The following COL9A1 variants were observed in gnomAD, a reference collection of about 807,000 sequenced individuals.
The protein encoded by COL9A1 is collagen alpha-1(IX) chain.
A neutral mutation model predicts 142.6 loss-of-function variants in COL9A1; 104 were observed. That is an observed-to-expected ratio of 0.73 (90% confidence interval 0.62 to 0.86). COL9A1 has a LOEUF of 0.86. Among genes scored for constraint, COL9A1 ranks in the 40% least tolerant of loss-of-function variants. The pLI, the probability that COL9A1 is intolerant of heterozygous loss-of-function variation, is 0.00. For missense variants in COL9A1, 1,210 were observed against 1,176.6 expected (o/e 1.03, Z -0.42); for synonymous variants, 466 against 396.0 (o/e 1.18, Z -2.10).
chr6:70,269,401 T>C (rs1397457273), intron 16 of COL9A1, among the ~76,000 whole-genome samples: 1 of 152,172 alleles, frequency 6.6e-6, no homozygotes, highest in African/African-American at 2.4e-5. Flanking sequence ...CATGTCTTAG[T>C]CATAAAGTAA....
chr6:70,230,457 T>A (rs111845832), intron 36 of COL9A1, among the ~76,000 whole-genome samples: 3 of 152,106 alleles, frequency 2.0e-5, no homozygotes, highest in Non-Finnish European at 2.9e-5. Context: ...GGGAAAAGAA[T>A]TGTATCACTT....
At chr6:70,237,349 T>C (rs1445819364) in intron 33 of COL9A1, among the ~76,000 whole-genome samples, 1 of 152,224 alleles carries the variant, frequency 6.6e-6, no homozygotes, top group East Asian at 1.9e-4. Flanking sequence ...AGTGGTATAC[T>C]GAAACAGAAA....
intron 28 of COL9A1, among the ~76,000 whole-genome samples, chr6:70,245,073 T>C (rs565885196): frequency 7.9e-5 from 12 of 152,298 alleles, no homozygotes; most frequent in Non-Finnish European, 1.3e-4. Flanking sequence ...TCCTTGGCCA[T>C]TCTAAATGCA....
At chr6:70,237,289 C>T (rs759504293) in intron 33 of COL9A1, among the ~76,000 whole-genome samples, 1 of 152,194 alleles carries the variant, frequency 6.6e-6, no homozygotes, top group Non-Finnish European at 1.5e-5. Context: ...AGATTAAGGG[C>T]CAATATGGCC....
At chr6:70,279,842 C>A in intron 10 of COL9A1, 2 of 474,274 alleles carry the variant, frequency 4.2e-6, no homozygotes, top group Admixed American at 3.3e-5. Context: ...TCTTGGAAAT[C>A]ATAATTATAG....
intron 5 of COL9A1, among the ~76,000 whole-genome samples, chr6:70,293,362 G>T (rs1238391420): frequency 1.3e-5 from 2 of 152,108 alleles, no homozygotes; most frequent in Non-Finnish European, 2.9e-5. Context: ...AATTCAAAAT[G>T]ATAGAACTAT....
intron 28 of COL9A1, 90 bp downstream of exon 28, chr6:70,252,030 G>A (rs1411047792): frequency 1.5e-6 from 2 of 1,299,590 alleles, no homozygotes; most frequent in Non-Finnish European, 2.2e-6. Flanking sequence ...ACATCAGACA[G>A]CATTCATGGA....
At chr6:70,256,007 C>T (rs745628622) in intron 21 of COL9A1, among the ~76,000 whole-genome samples, 11 of 152,126 alleles carry the variant, frequency 7.2e-5, no homozygotes, top group Non-Finnish European at 1.5e-4. Context: ...CTTATCCTTC[C>T]AATCTCATCT....
intron 10 of COL9A1, chr6:70,279,920 G>GAAGAGTAAC: frequency 1.8e-6 from 1 of 568,508 alleles, no homozygotes; most frequent in Non-Finnish European, 3.3e-6. Flanking sequence ...GTGGTAACTT[G>GAAGAGTAAC]AAGAGTAACT....
intron 33 of COL9A1, among the ~76,000 whole-genome samples, chr6:70,238,420 A>G (rs1770042964): frequency 6.6e-6 from 1 of 152,250 alleles, no homozygotes; most frequent in Non-Finnish European, 1.5e-5. Context: ...TAAGGACACC[A>G]GTTTAGTTTC....
chr6:70,285,969 G>T (rs1471845190), intron 5 of COL9A1, among the ~76,000 whole-genome samples: 1 of 151,958 alleles, frequency 6.6e-6, no homozygotes, highest in Non-Finnish European at 1.5e-5. Context: ...GCTCACTGCA[G>T]CCTCCACCTC....
rs1001980199 is a variant in COL9A1 at position 70,283,762 on chromosome 6, C to T, written c.755G>A (p.Cys252Tyr). The change falls in exon 6 of 38, where the codon TGC becomes TAC. Residue 252 changes from cysteine to tyrosine, a missense_variant. Coordinates refer to ENST00000357250, the MANE Select transcript of COL9A1 (RefSeq NM_001851.6). The part of the protein sequence containing the change: ...CDPLRPRRET[C>Y]HELPARITPS... The stretch of plus-strand genomic sequence containing the variant: ...CGTTATTCTGGCTGGCAGCTCATGG[C>T]AAGTTTCTCTCCTGGGCCGCAGGGG... 1.2e-6 allele frequency: 2 copies of T among 1,611,812 alleles called. No homozygotes were observed. Among genetic ancestry groups the T allele is most frequent in the East Asian group, 4.5e-5 (2 of 44,862 alleles).
At chr6:70,252,045 T>G in intron 28 of COL9A1, 75 bp downstream of exon 28, 1 of 1,450,408 alleles carries the variant, frequency 6.9e-7, no homozygotes. Context: ...CATGGATAGA[T>G]GGATGAATGA....
intron 7 of COL9A1, among the ~76,000 whole-genome samples, chr6:70,282,371 G>A (rs1197974290): frequency 1.3e-5 from 2 of 152,232 alleles, no homozygotes; most frequent in African/African-American, 4.8e-5. Context: ...CGCAGGAGGC[G>A]GGAGGCGCTG....
intron 10 of COL9A1, among the ~76,000 whole-genome samples, chr6:70,278,029 T>G (rs2127594939): frequency 6.6e-6 from 1 of 152,338 alleles, no homozygotes; most frequent in Middle Eastern, 3.4e-3. Flanking sequence ...ATAAAAGATT[T>G]TTTTAATGTC....
chr6:70,235,714 C>A (rs551323449), intron 33 of COL9A1, among the ~76,000 whole-genome samples: 1 of 129,442 alleles, frequency 7.7e-6, no homozygotes, highest in African/African-American at 2.5e-5. Context: ...AGTTATTTAG[C>A]CCTTACAACT....
intron 14 of COL9A1, among the ~76,000 whole-genome samples, chr6:70,271,029 C>T (rs571292959): frequency 6.6e-6 from 1 of 152,214 alleles, no homozygotes; most frequent in African/African-American, 2.4e-5. Context: ...ACTTTACAAT[C>T]ATTTCATATT....
intron 37 of COL9A1, among the ~76,000 whole-genome samples, chr6:70,223,208 A>T (rs1200564): frequency 6.6e-6 from 1 of 152,096 alleles, no homozygotes; most frequent in Admixed American, 6.5e-5. Context: ...CTTTGCCCTC[A>T]GCTTTCCTTG....
chr6:70,247,116 A>T (rs1401249102), intron 28 of COL9A1, among the ~76,000 whole-genome samples: 1 of 152,204 alleles, frequency 6.6e-6, no homozygotes, highest in Non-Finnish European at 1.5e-5. Context: ...TTGCCTGTCA[A>T]ATCCCCCAAG....
Sources: allele counts gnomAD v4.1 joint callset (sites outside exome capture counted in the v4.1 genomes callset), GRCh38; gene constraint gnomAD v4.1.1; transcripts MANE v1.5; gene names NCBI Gene and HGNC (gene_info 2026-07-23, HGNC 2026-07-21).